TBC1D22A: variants seen among roughly 807,000 people sequenced by gnomAD.
TBC1D22A encodes TBC1 domain family member 22A.
TBC1D22A carries 38 observed loss-of-function variants against 60.2 expected under a neutral mutation model. The ratio of observed to expected loss-of-function variants is 0.63; its 90% CI spans 0.49 to 0.83. TBC1D22A has a LOEUF of 0.83. Ranked by LOEUF, TBC1D22A falls within the 40% of genes least tolerant of loss-of-function variation. TBC1D22A has a pLI of 0.00. For missense variants in TBC1D22A, 628 were observed against 701.0 expected, an observed-to-expected ratio of 0.90 and a Z score of 1.18; for synonymous variants, 302 against 281.7, an observed-to-expected ratio of 1.07 and a Z score of -0.72.
At chr22:46,783,253 G>C (rs1601843708) in intron 1 of TBC1D22A, among the ~76,000 whole-genome samples, 1 of 152,282 alleles carries the variant, frequency 6.6e-6, no homozygotes, top group East Asian at 1.9e-4. Flanking sequence ...AAAAGAATGG[G>C]CAGACTTAGA....
At chr22:47,078,456 T>C (rs990705626) in intron 11 of TBC1D22A, among the ~76,000 whole-genome samples, 2 of 152,230 alleles carry the variant, frequency 1.3e-5, no homozygotes, top group African/African-American at 4.8e-5. Flanking sequence ...AACAGCTCCA[T>C]GCCCCCCGCT....
At chr22:46,822,525 G>A (rs2085875817) in intron 4 of TBC1D22A, among the ~76,000 whole-genome samples, 1 of 152,084 alleles carries the variant, frequency 6.6e-6, no homozygotes, top group African/African-American at 2.4e-5. Context: ...CAGTTTGCTG[G>A]GGGTTCACTT....
intron 11 of TBC1D22A, among the ~76,000 whole-genome samples, chr22:47,079,196 C>T (rs2064355832): frequency 6.6e-6 from 1 of 151,078 alleles, no homozygotes; most frequent in Non-Finnish European, 1.5e-5. Context: ...AAGCAATTCT[C>T]CTGTCTCAGC....
intron 4 of TBC1D22A, among the ~76,000 whole-genome samples, chr22:46,871,019 G>A (rs1285021149): frequency 6.6e-6 from 1 of 152,168 alleles, no homozygotes; most frequent in Non-Finnish European, 1.5e-5. Flanking sequence ...TGAAATAAAA[G>A]GGTAGAAAAA....
chr22:47,165,705 G>C (rs774045326), intron 12 of TBC1D22A, among the ~76,000 whole-genome samples: 5 of 152,120 alleles, frequency 3.3e-5, no homozygotes, highest in Non-Finnish European at 7.4e-5. Flanking sequence ...AGACGGAGGG[G>C]TCAAGAGAAA....
intron 4 of TBC1D22A, among the ~76,000 whole-genome samples, chr22:46,800,225 C>T (rs536501901): frequency 1.3e-5 from 2 of 152,098 alleles, no homozygotes; most frequent in Non-Finnish European, 2.9e-5. Context: ...TTTCTTCAGG[C>T]GCCTGAACCT....
intron 4 of TBC1D22A, among the ~76,000 whole-genome samples, chr22:46,827,723 G>A (rs1341787051): frequency 6.6e-6 from 1 of 152,132 alleles, no homozygotes; most frequent in Non-Finnish European, 1.5e-5. Flanking sequence ...CTTCTGAAGG[G>A]TGACCTATGA....
At chr22:46,921,902 C>T (rs1370636180) in intron 8 of TBC1D22A, among the ~76,000 whole-genome samples, 1 of 152,076 alleles carries the variant, frequency 6.6e-6, no homozygotes, top group Non-Finnish European at 1.5e-5. Context: ...TAATGAAGTC[C>T]CATTTGTTAA....
intron 7 of TBC1D22A, among the ~76,000 whole-genome samples, chr22:46,907,884 G>T (rs375886873): frequency 6.6e-6 from 1 of 152,222 alleles, no homozygotes; most frequent in African/African-American, 2.4e-5. Flanking sequence ...GTGGAACATC[G>T]TGGGAGCCGT....
chr22:47,025,119 A>G (rs1166273956), intron 10 of TBC1D22A, among the ~76,000 whole-genome samples: 1 of 152,200 alleles, frequency 6.6e-6, no homozygotes. Context: ...ACACAGCAAA[A>G]TCAGATAAAA....
intron 4 of TBC1D22A, among the ~76,000 whole-genome samples, chr22:46,837,982 C>T (rs1045502764): frequency 1.3e-5 from 2 of 152,146 alleles, no homozygotes; most frequent in Non-Finnish European, 2.9e-5. Flanking sequence ...ATTGCTTGAA[C>T]CTGGGAGGCG....
intron 4 of TBC1D22A, among the ~76,000 whole-genome samples, chr22:46,859,955 C>T (rs1273015557): frequency 6.9e-5 from 1 of 14,520 alleles, no homozygotes; most frequent in Non-Finnish European, 1.1e-4. Flanking sequence ...TAGAGGTCCG[C>T]GCAGTGCTGT....
Position 47,009,573 on chromosome 22 carries a change from T to G in TBC1D22A, c.1201+11864T>G, listed in dbSNP as rs1442903760. ...CACCATCATTACGTCATCACCAGCA[T>G]CATCATCACCATCACCATCATTCTG... On this transcript the variant is annotated intron_variant, in intron 10 of 12. Transcript: ENST00000337137. This position sits in a 1 kb window ranked among gnomAD's most constrained non-coding sequence, Gnocchi z 5.8. 2.6e-5 allele frequency among the ~76,000 whole-genome samples: 4 copies of G among 151,770 alleles called. No homozygotes were observed. Among genetic ancestry groups the G allele is most frequent in the Non-Finnish European group, 5.9e-5 (4 of 67,922 alleles).
intron 1 of TBC1D22A, among the ~76,000 whole-genome samples, chr22:46,778,456 A>G (rs1412349826): frequency 6.6e-6 from 1 of 151,618 alleles, no homozygotes; most frequent in Non-Finnish European, 1.5e-5. Flanking sequence ...AAAATTTTTT[A>G]TTTTTTACTT....
intron 4 of TBC1D22A, among the ~76,000 whole-genome samples, chr22:46,805,375 A>G (rs17834831): frequency 0.074 from 11,205 of 152,320 alleles, 582 homozygotes; most frequent in Non-Finnish European, 0.11. Flanking sequence ...AGAAAAGCAG[A>G]CGCAAGGACT....
chr22:47,013,019 C>T (rs746218701), intron 10 of TBC1D22A, among the ~76,000 whole-genome samples: 1 of 152,116 alleles, frequency 6.6e-6, no homozygotes, highest in South Asian at 2.1e-4. Flanking sequence ...TGGGGTGGAC[C>T]GGGAGAGGGC....
intron 4 of TBC1D22A, among the ~76,000 whole-genome samples, chr22:46,857,242 G>A (rs990495365): frequency 1.2e-4 from 19 of 152,200 alleles, no homozygotes; most frequent in Non-Finnish European, 1.6e-4. Flanking sequence ...TGGGGTCTCT[G>A]GGAGAGCTCT....
At chr22:46,860,657 T>G in intron 4 of TBC1D22A, among the ~76,000 whole-genome samples, 1 of 151,558 alleles carries the variant, frequency 6.6e-6, no homozygotes, top group Non-Finnish European at 1.5e-5. Flanking sequence ...ACCAGAATCC[T>G]TTTCGATAGA....
At chr22:47,158,527 T>C (rs777886321) in intron 12 of TBC1D22A, among the ~76,000 whole-genome samples, 2 of 152,100 alleles carry the variant, frequency 1.3e-5, no homozygotes, top group Non-Finnish European at 2.9e-5. Flanking sequence ...TCTTCACACA[T>C]GGATCACGGC....
Sources: gnomAD v4.1 joint callset for allele counts (sites outside exome capture counted in the v4.1 genomes callset) on GRCh38, gnomAD v4.1.1 for gene constraint, Gnocchi (gnomAD v3.1) non-coding constraint, MANE v1.5 for transcripts, NCBI Gene and HGNC (gene_info 2026-07-23, HGNC 2026-07-21) for gene names.